Variants in CARS2 observed in about 807,000 individuals in gnomAD.
The protein encoded by CARS2 is cysteinyl-tRNA synthetase 2, mitochondrial, also known as probable cysteine--tRNA ligase, mitochondrial.
CARS2 carries 52 observed loss-of-function variants against 68.8 expected under a neutral mutation model. The observed-to-expected ratio is 0.76, with a 90% CI of 0.61 to 0.95. CARS2 has a LOEUF of 0.95. Ranked by LOEUF, CARS2 falls within the 40% of genes least tolerant of loss-of-function variation. The pLI is 0.00. For missense variants in CARS2, 780 were observed against 754.2 expected, an observed-to-expected ratio of 1.03 and a Z score of -0.40; for synonymous variants, 314 against 303.6, an observed-to-expected ratio of 1.03 and a Z score of -0.36.
rs776314588 is a variant in CARS2, at chr13:110,667,416, T to G, written c.843A>C (p.Pro281=). The G allele has an allele frequency of 1.2e-6, 2 of 1,613,936 alleles. No homozygotes were observed. Among genetic ancestry groups the G allele is most frequent in the Non-Finnish European group, 1.7e-6 (2 of 1,179,818 alleles). Residue 281 remains proline, a synonymous_variant, in exon 8 of 15, where the codon CCA becomes CCC. Transcript: ENST00000257347. ...ACTGTGCAATTTCGTTTTCATGATGTGGAAAAGCTAAATCTATCCCACCTG... is the reference window on the plus strand; with the variant it reads ...ACTGTGCAATTTCGTTTTCATGATGGGGAAAAGCTAAATCTATCCCACCTG... The part of the protein sequence containing the change: ...IHSGGIDLAF[P]HHENEIAQCE...
chr13:110,687,837 G>A lies in CARS2; in HGVS notation c.466-11C>T, dbSNP rs752461928. The stretch of plus-strand genomic sequence containing the variant: ...CGTGGGTGGGAGAACCTGCAAGGAA[G>A]TGGAGACGTGACCGTGTTTCCCTCG... On this transcript the variant is annotated splice_polypyrimidine_tract_variant and intron_variant, in intron 4 of 14. Transcript: ENST00000257347. 2 of 1,586,740 alleles carry A rather than the reference G, an allele frequency of 1.3e-6. No homozygotes were observed. Among genetic ancestry groups the A allele is most frequent in the South Asian group, 1.1e-5 (1 of 90,406 alleles).
At chr13:110,688,641 G>A (rs1215642471) in intron 3 of CARS2, 3 of 152,216 alleles carry the variant, frequency 2.0e-5, no homozygotes, top group Admixed American at 2.0e-4. Context: ...GGGTGTTGTG[G>A]GTCATAGCTA....
chr13:110,698,948 G>C (rs999488270), intron 3 of CARS2, among the ~76,000 whole-genome samples: 1 of 152,022 alleles, frequency 6.6e-6, no homozygotes, highest in African/African-American at 2.4e-5. Context: ...GGAGATCAAG[G>C]CTGCACTGAA....
chr13:110,656,554 G>A (rs2062372217), intron 9 of CARS2, among the ~76,000 whole-genome samples: 1 of 152,116 alleles, frequency 6.6e-6, no homozygotes, highest in Non-Finnish European at 1.5e-5. Flanking sequence ...GAGAAGTGAT[G>A]GCCCATGGAT....
upstream of CARS2, among the ~76,000 whole-genome samples, chr13:110,710,227 CA>C (rs986903407): frequency 9.2e-5 from 14 of 152,056 alleles, no homozygotes; most frequent in African/African-American, 3.1e-4. Flanking sequence ...ACTAAAAATA[CA>C]AAAATTAGTT....
rs1378715754 is a variant in CARS2 at position 110,668,909 on chromosome 13, C to G, written c.786-1436G>C. Among the ~76,000 whole-genome samples the G allele has an allele frequency of 6.6e-6, 1 of 152,192 alleles. No individual in the cohort carries two copies. Among genetic ancestry groups the G allele is most frequent in the Non-Finnish European group, 1.5e-5 (1 of 68,030 alleles). On this transcript the variant is annotated intron_variant, in intron 7 of 14. Transcript: ENST00000257347. The surrounding 1 kb of genome is among the most constrained non-coding windows in gnomAD (Gnocchi z 4.1). ...CACATAACATTACATTTGAAACTCACTAAATGTTTTCTACCTGCTTTAGAG... is the reference window on the plus strand; with the variant it reads ...CACATAACATTACATTTGAAACTCAGTAAATGTTTTCTACCTGCTTTAGAG...
intron 5 of CARS2, among the ~76,000 whole-genome samples, chr13:110,683,933 G>A (rs370896380): frequency 1.6e-4 from 24 of 152,218 alleles, no homozygotes; most frequent in African/African-American, 5.1e-4. Context: ...TGCAGTCTGA[G>A]GTCAGAACCT....
At chr13:110,679,354 A>G (rs2063069239) in intron 6 of CARS2, among the ~76,000 whole-genome samples, 1 of 151,556 alleles carries the variant, frequency 6.6e-6, no homozygotes, top group African/African-American at 2.4e-5. Flanking sequence ...ATATGACGAA[A>G]CCTCGTCTCT....
chr13:110,680,236 A>G (rs957588475), intron 6 of CARS2, among the ~76,000 whole-genome samples: 3 of 151,776 alleles, frequency 2.0e-5, no homozygotes, highest in African/African-American at 7.3e-5. Flanking sequence ...TACTAAAACT[A>G]CAAAAATTAG....
At chr13:110,663,175 G>A (rs374331608) in intron 9 of CARS2, 1 of 569,174 alleles carries the variant, frequency 1.8e-6, no homozygotes, top group Admixed American at 2.5e-5. Context: ...AAAAGGAAAA[G>A]GCAAGGAAGA....
chr13:110,681,228 T>C (rs568763059), intron 6 of CARS2, among the ~76,000 whole-genome samples: 1 of 152,290 alleles, frequency 6.6e-6, no homozygotes, highest in Non-Finnish European at 1.5e-5. Flanking sequence ...TTTAATGGTG[T>C]TTTCTATTGT....
chr13:110,647,367 C>G, intron 10 of CARS2, 128 bp from the exon 11 acceptor site: 1 of 1,184,384 alleles, frequency 8.4e-7, no homozygotes, highest in Non-Finnish European at 1.2e-6. Context: ...ACATGTGGCT[C>G]TCACGCCCTC....
intron 2 of CARS2, among the ~76,000 whole-genome samples, chr13:110,704,525 A>T (rs2063883763): frequency 6.6e-6 from 1 of 152,174 alleles, no homozygotes; most frequent in Admixed American, 6.5e-5. Context: ...GGAGTTCGAG[A>T]CCAGCCTGGC....
chr13:110,694,956 A>G lies in CARS2; in HGVS notation c.393+6482T>C, dbSNP rs531309672. On this transcript the variant is annotated intron_variant, in intron 3 of 14. Transcript: ENST00000257347. ...GGCTCTCTGTATCCTAGGGTTCTGC[A>G]TCTGTGGGTTCAATCGATCTCATAT... 6.6e-5 allele frequency among the ~76,000 whole-genome samples: 10 copies of G among 152,288 alleles called. No homozygotes were observed. The South Asian group carries it at 1.9e-3, about 28-fold the overall frequency.
In CARS2 at chr13:110,642,527, G is replaced by A. The variant is rs775887829; in HGVS notation, c.1417-6C>T. 1.4e-5 allele frequency: 22 copies of A among 1,608,648 alleles called. No homozygotes were observed. Among genetic ancestry groups the A allele is most frequent in the Admixed American group, 3.4e-5 (2 of 59,594 alleles). On this transcript the variant is annotated splice_region_variant and splice_polypyrimidine_tract_variant and intron_variant, in intron 13 of 14. Transcript: ENST00000257347. Reference sequence around the variant, plus strand: ...CTGCCGTCTCCTGAAACGTACTGAAGCCAGCAGGGCGCGGTTACGTCCCCC... The same window carrying A: ...CTGCCGTCTCCTGAAACGTACTGAAACCAGCAGGGCGCGGTTACGTCCCCC...
In CARS2 at chr13:110,666,255, C is replaced by T. The variant is rs552880378; in HGVS notation, c.919+1085G>A. ...GCGCCAGCTGAAACGGAAGTGAGGGCGGCAGGCGTTTGTTCTGATTAGAAA... is the reference window on the plus strand; with the variant it reads ...GCGCCAGCTGAAACGGAAGTGAGGGTGGCAGGCGTTTGTTCTGATTAGAAA... On this transcript the variant is annotated intron_variant, in intron 8 of 14. Transcript: ENST00000257347. The T allele has an allele frequency of 1.2e-5, 12 of 985,362 alleles. No homozygotes were observed. In the East Asian group the frequency reaches 5.7e-4, roughly 47 times the overall value. The allele number at this position is 985,362 out of a possible 1,614,324, so 61.0% of individuals were successfully genotyped here.
At chr13:110,689,329 C>T (rs941105113) in intron 3 of CARS2, among the ~76,000 whole-genome samples, 16 of 152,204 alleles carry the variant, frequency 1.1e-4, no homozygotes, top group African/African-American at 3.9e-4. Context: ...CCTCGGGAAC[C>T]AAGTCTCCCC....
chr13:110,650,994 G>T, intron 10 of CARS2, 40 bp downstream of exon 10: 1 of 1,490,826 alleles, frequency 6.7e-7, no homozygotes, highest in Non-Finnish European at 9.3e-7. Flanking sequence ...GACTGTCTCC[G>T]AGCTGGGGGG....
rs778799743 is a variant in CARS2, at chr13:110,644,531, C to T, written c.1318-48G>A. ...AGCTCCTTAAAAGCAGTCTTGATGG[C>T]AGTGGGCAAACGGAATTCAATGTCA... On this transcript the variant is annotated intron_variant, in intron 12 of 14. Transcript: ENST00000257347. 18 of 1,606,942 alleles carry T rather than the reference C, an allele frequency of 1.1e-5. No individual in the cohort carries two copies. The Admixed American group carries it at 2.2e-4, about 20-fold the overall frequency.
Sources: allele counts gnomAD v4.1 joint callset (sites outside exome capture counted in the v4.1 genomes callset), GRCh38; gene constraint gnomAD v4.1.1; non-coding constraint Gnocchi (gnomAD v3.1); transcripts MANE v1.5; gene names NCBI Gene and HGNC (gene_info 2026-07-23, HGNC 2026-07-21).